Variants in DYNLRB2 observed in about 807,000 individuals in gnomAD.
DYNLRB2 encodes the protein bithoraxoid-like protein.
DYNLRB2 carries 14 observed loss-of-function variants against 12.6 expected under a neutral mutation model. The observed-to-expected ratio is 1.11, with a 90% CI of 0.73 to 1.73. DYNLRB2 has a LOEUF of 1.73. Among genes scored for constraint, DYNLRB2 ranks in the 40% most tolerant of loss-of-function variants. The pLI, the probability that DYNLRB2 is intolerant of heterozygous loss-of-function variation, is 0.00. For synonymous variants in DYNLRB2, 53 were observed against 37.0 expected, an observed-to-expected ratio of 1.43 and a Z score of -1.57; for missense variants, 142 against 117.7, an observed-to-expected ratio of 1.21 and a Z score of -0.95.
At chr16:80,543,950 G>A (rs1406668528) in intron 2 of DYNLRB2, among the ~76,000 whole-genome samples, 3 of 152,170 alleles carry the variant, frequency 2.0e-5, no homozygotes, top group Admixed American at 1.3e-4. Flanking sequence ...TTGGCACATT[G>A]CTCCACGCTC....
At chr16:80,543,490 C>T (rs145340983) in intron 2 of DYNLRB2, 139 bp downstream of exon 2, 2 of 773,718 alleles carry the variant, frequency 2.6e-6, no homozygotes, top group African/African-American at 1.7e-5. Flanking sequence ...ATTCACTTAC[C>T]AAACATCTAT....
intron 3 of DYNLRB2, among the ~76,000 whole-genome samples, chr16:80,550,251 C>T (rs1413179529): frequency 6.6e-6 from 1 of 152,234 alleles, no homozygotes; most frequent in Non-Finnish European, 1.5e-5. Context: ...ACCCTGGCTA[C>T]ACATCCAATC....
intron 1 of DYNLRB2, among the ~76,000 whole-genome samples, chr16:80,542,459 C>T (rs1904296646): frequency 6.6e-6 from 1 of 152,112 alleles, no homozygotes; most frequent in South Asian, 2.1e-4. Context: ...AAATGTTCAC[C>T]TGTGCAATAC....
chr16:80,543,299 G>A lies in DYNLRB2; in HGVS notation c.27G>A (p.Lys9=), dbSNP rs549750864. 4 of 1,614,034 alleles carry A rather than the reference G, an allele frequency of 2.5e-6. No homozygotes were observed. In the African/African-American group the frequency reaches 4.0e-5, roughly 16 times the overall value. Residue 9 remains lysine, a synonymous_variant, in exon 2 of 4, where the codon AAG becomes AAA. Coordinates refer to ENST00000305904, the MANE Select transcript of DYNLRB2 (RefSeq NM_130897.3). ...AGGCAGAGGTGGAGGAAACCTTAAA[G>A]AGGATCCAGAGTCATAAAGGGGTTA... is the stretch of plus-strand genomic sequence containing the variant. MAEVEETL[K]RIQSHKGVIG...
At chr16:80,544,142 C>A (rs770670631) in intron 2 of DYNLRB2, among the ~76,000 whole-genome samples, 31 of 152,200 alleles carry the variant, frequency 2.0e-4, no homozygotes, top group Non-Finnish European at 4.3e-4. Flanking sequence ...AAAAATCCAT[C>A]AGTAAATATT....
chr16:80,544,275 G>C (rs746110130), intron 2 of DYNLRB2, among the ~76,000 whole-genome samples: 2 of 152,204 alleles, frequency 1.3e-5, no homozygotes, highest in Non-Finnish European at 2.9e-5. Context: ...TAATTGTTGA[G>C]TGCTTGGCAT....
intron 2 of DYNLRB2, chr16:80,549,013 G>A (rs1481259034): frequency 2.2e-6 from 1 of 455,882 alleles, no homozygotes; most frequent in African/African-American, 2.0e-5. Context: ...GATGTTCAGG[G>A]GAGTGCATTT....
At chr16:80,548,046 G>A (rs969411445) in intron 2 of DYNLRB2, 8 of 312,904 alleles carry the variant, frequency 2.6e-5, no homozygotes, top group East Asian at 8.8e-5. Flanking sequence ...TCTTGAAAGC[G>A]CTTGTCTCGT....
intron 2 of DYNLRB2, among the ~76,000 whole-genome samples, chr16:80,548,478 G>A (rs1009559853): frequency 4.6e-5 from 7 of 152,158 alleles, no homozygotes; most frequent in African/African-American, 1.7e-4. Context: ...TGTAAACCCA[G>A]CACTGTGGGA....
chr16:80,547,627 T>A (rs1180192137), intron 2 of DYNLRB2: 3 of 363,682 alleles, frequency 8.2e-6, no homozygotes, highest in Non-Finnish European at 1.6e-5. Context: ...TGGTTGTATT[T>A]CTTGTTTTCC....
intron 2 of DYNLRB2, chr16:80,548,312 G>A (rs772701133): frequency 1.3e-5 from 2 of 156,764 alleles, no homozygotes; most frequent in Non-Finnish European, 2.8e-5. Context: ...TACATAATAG[G>A]CATTAATGCT....
intron 2 of DYNLRB2, chr16:80,548,079 T>C: frequency 4.1e-6 from 1 of 246,822 alleles, no homozygotes; most frequent in South Asian, 4.1e-5. Context: ...GGACCCACAT[T>C]CTCTGAAGGA....
chr16:80,541,253 A>G, intron 1 of DYNLRB2, 174 bp downstream of exon 1: 1 of 955,456 alleles, frequency 1.0e-6, no homozygotes, highest in Non-Finnish European at 1.2e-6. Flanking sequence ...GAAAGGGGCA[A>G]GAAGATGTCT....
At chr16:80,543,241 C>G (rs1285155859) in intron 1 of DYNLRB2, 35 bp from the exon 2 acceptor site, 1 of 1,603,732 alleles carries the variant, frequency 6.2e-7, no homozygotes. Flanking sequence ...TACCACAGGG[C>G]CCTTTTGGTT....
At chr16:80,549,292 C>A in intron 2 of DYNLRB2, 192 bp from the exon 3 acceptor site, 1 of 546,596 alleles carries the variant, frequency 1.8e-6, no homozygotes, top group Non-Finnish European at 3.1e-6. Flanking sequence ...TATAGTTTCA[C>A]ACAACTATAC....
At chr16:80,549,248 T>C in intron 2 of DYNLRB2, 1 of 439,766 alleles carries the variant, frequency 2.3e-6, no homozygotes, top group Non-Finnish European at 4.1e-6. Context: ...TGTTATAATT[T>C]TGTGAAGAAA....
At chr16:80,546,282 G>C (rs955730316) in intron 2 of DYNLRB2, among the ~76,000 whole-genome samples, 1 of 152,194 alleles carries the variant, frequency 6.6e-6, no homozygotes, top group African/African-American at 2.4e-5. Flanking sequence ...TAGCTTTTCA[G>C]CTTTGGGAAG....
upstream of DYNLRB2, chr16:80,540,739 T>A (rs1222560930): frequency 1.4e-6 from 1 of 702,678 alleles, no homozygotes; most frequent in South Asian, 1.5e-5. Flanking sequence ...AATAAGTGGT[T>A]ATCACATTAA....
chr16:80,541,786 G>C (rs1167032669), intron 1 of DYNLRB2, among the ~76,000 whole-genome samples: 1 of 152,072 alleles, frequency 6.6e-6, no homozygotes, highest in African/African-American at 2.4e-5. Context: ...AAGGGAGAAA[G>C]ATAAATAAGG....
Sources: gnomAD v4.1 joint callset for allele counts (sites outside exome capture counted in the v4.1 genomes callset) on GRCh38, gnomAD v4.1.1 for gene constraint, MANE v1.5 for transcripts, NCBI Gene and HGNC (gene_info 2026-07-23, HGNC 2026-07-21) for gene names.